ZHX2: variants seen among roughly 807,000 people sequenced by gnomAD.
The protein encoded by ZHX2 is zinc fingers and homeoboxes 2.
A neutral mutation model predicts 21.9 loss-of-function variants in ZHX2; 6 were observed. The observed-to-expected ratio is 0.27, with a 90% CI of 0.15 to 0.54. The LOEUF is 0.54. ZHX2 is among the 20% of genes least tolerant of loss of function. The probability of loss-of-function intolerance (pLI) is 0.95; values close to 1 mark genes in which losing one functional copy is unlikely to be tolerated. For missense variants in ZHX2, 908 were observed against 1,090.7 expected (o/e 0.83, Z 2.36); for synonymous variants, 434 against 437.1 (o/e 0.99, Z 0.09).
chr8:122,916,067 C>G (rs373932296), intron 2 of ZHX2, among the ~76,000 whole-genome samples: 9 of 152,212 alleles, frequency 5.9e-5, no homozygotes, highest in African/African-American at 1.9e-4. Context: ...CCTCTTGCCT[C>G]AGTGGGTTTC....
At chr8:122,786,013 G>A (rs1586570074) in intron 1 of ZHX2, among the ~76,000 whole-genome samples, 1 of 152,222 alleles carries the variant, frequency 6.6e-6, no homozygotes, top group South Asian at 2.1e-4. Flanking sequence ...TCAGGCCAGG[G>A]AACAGTTTTG....
At chr8:122,852,845 G>A (rs1208058193) in intron 1 of ZHX2, among the ~76,000 whole-genome samples, 1 of 152,050 alleles carries the variant, frequency 6.6e-6, no homozygotes, top group African/African-American at 2.4e-5. Flanking sequence ...TTGCCTCGGT[G>A]GTTTGTAAAA....
chr8:122,848,952 A>C (rs1818822676), intron 1 of ZHX2, among the ~76,000 whole-genome samples: 1 of 151,782 alleles, frequency 6.6e-6, no homozygotes, highest in South Asian at 2.1e-4. Flanking sequence ...TGCCACTGAA[A>C]CCTGTTTACC....
At chr8:122,839,101 G>A (rs902005010) in intron 1 of ZHX2, among the ~76,000 whole-genome samples, 1 of 151,806 alleles carries the variant, frequency 6.6e-6, no homozygotes, top group Non-Finnish European at 1.5e-5. Flanking sequence ...TTATATGTTG[G>A]AGCAGGGAAC....
chr8:122,802,906 G>A (rs1242988561), intron 1 of ZHX2, among the ~76,000 whole-genome samples: 4 of 152,102 alleles, frequency 2.6e-5, no homozygotes, highest in African/African-American at 9.7e-5. Context: ...GAGGCTGACA[G>A]GCTGTCACCC....
intron 1 of ZHX2, among the ~76,000 whole-genome samples, chr8:122,797,605 A>G (rs1446917605): frequency 7.6e-6 from 1 of 131,060 alleles, no homozygotes; most frequent in Non-Finnish European, 1.7e-5. Context: ...ACCTGAACAG[A>G]AGCTTCCTGA....
chr8:122,791,941 G>C (rs1005411344), intron 1 of ZHX2, among the ~76,000 whole-genome samples: 1 of 151,864 alleles, frequency 6.6e-6, no homozygotes, highest in African/African-American at 2.4e-5. Context: ...ATTATCATTA[G>C]CCCTATTTTC....
At chr8:122,793,595 G>A (rs1331915874) in intron 1 of ZHX2, among the ~76,000 whole-genome samples, 1 of 152,206 alleles carries the variant, frequency 6.6e-6, no homozygotes, top group Non-Finnish European at 1.5e-5. Context: ...TGGTCTTCAA[G>A]GGTTCAGTTC....
chr8:122,799,909 G>A (rs1817684025), intron 1 of ZHX2, among the ~76,000 whole-genome samples: 1 of 152,142 alleles, frequency 6.6e-6, no homozygotes, highest in African/African-American at 2.4e-5. Flanking sequence ...TGTTGCCCAG[G>A]CTGGAGGGCA....
chr8:122,852,149 G>T (rs1055265677), intron 1 of ZHX2, among the ~76,000 whole-genome samples: 12 of 152,160 alleles, frequency 7.9e-5, no homozygotes, highest in Non-Finnish European at 1.2e-4. Context: ...GGGGCATACA[G>T]GTGCGTGAAT....
chr8:122,898,946 G>A lies in ZHX2; in HGVS notation c.-220+35407G>A, dbSNP rs573145177. Among the ~76,000 whole-genome samples, 5 of 152,270 alleles carry A rather than the reference G, an allele frequency of 3.3e-5. No homozygotes were observed. The East Asian group carries it at 7.8e-4, about 24-fold the overall frequency. On this transcript the variant is annotated intron_variant, in intron 2 of 3. Coordinates refer to ENST00000314393, the MANE Select transcript of ZHX2 (RefSeq NM_014943.5). ...TTCAGCAGAACCCACTCCCGGCCTT[G>A]TTCTTCTGGTTGTAGCAGTGGTTTT...
At chr8:122,927,494 T>TAA (rs34009444) in intron 2 of ZHX2, among the ~76,000 whole-genome samples, 2 of 149,634 alleles carry the variant, frequency 1.3e-5, no homozygotes, top group African/African-American at 4.9e-5. Flanking sequence ...GATTCCATCT[T>TAA]AAAAAAAAAA....
At chr8:122,861,485 C>G (rs1221594660) in intron 1 of ZHX2, among the ~76,000 whole-genome samples, 3 of 152,172 alleles carry the variant, frequency 2.0e-5, no homozygotes, top group African/African-American at 2.4e-5. Context: ...GTCATGCACC[C>G]TGCATGGGTT....
chr8:122,955,907 C>T (rs1047471536), intron 3 of ZHX2, among the ~76,000 whole-genome samples: 5 of 146,604 alleles, frequency 3.4e-5, no homozygotes, highest in South Asian at 4.3e-4. Context: ...TGCAATGGCA[C>T]GATCTCAACT....
intron 1 of ZHX2, among the ~76,000 whole-genome samples, chr8:122,788,003 C>T (rs956752490): frequency 6.6e-6 from 1 of 152,182 alleles, no homozygotes; most frequent in Non-Finnish European, 1.5e-5. Flanking sequence ...ACAGCCATCT[C>T]ATCCCCCACA....
chr8:122,844,409 G>A (rs771004981), intron 1 of ZHX2, among the ~76,000 whole-genome samples: 1 of 152,222 alleles, frequency 6.6e-6, no homozygotes, highest in Non-Finnish European at 1.5e-5. Flanking sequence ...TTCGCATTGC[G>A]AATCTGACCT....
chr8:122,806,660 AG>A (rs1176927611), intron 1 of ZHX2, among the ~76,000 whole-genome samples: 1 of 152,246 alleles, frequency 6.6e-6, no homozygotes, highest in Non-Finnish European at 1.5e-5. Context: ...CTAGGCCTTA[AG>A]GTCAAGACGA....
At chr8:122,787,796 T>G (rs947372101) in intron 1 of ZHX2, among the ~76,000 whole-genome samples, 1 of 152,184 alleles carries the variant, frequency 6.6e-6, no homozygotes, top group African/African-American at 2.4e-5. Flanking sequence ...CTTGTCCTGG[T>G]TGGATGCCTG....
intron 2 of ZHX2, among the ~76,000 whole-genome samples, chr8:122,920,956 G>A (rs1007745820): frequency 8.5e-5 from 13 of 152,156 alleles, no homozygotes; most frequent in South Asian, 8.3e-4. Flanking sequence ...TCCCTTGCTC[G>A]TATGTGGCAC....
Sources: gnomAD v4.1 joint callset for allele counts (sites outside exome capture counted in the v4.1 genomes callset) on GRCh38, gnomAD v4.1.1 for gene constraint, MANE v1.5 for transcripts, NCBI Gene and HGNC (gene_info 2026-07-23, HGNC 2026-07-21) for gene names.